Variants in SLC44A1 observed in about 807,000 individuals in gnomAD.
The protein encoded by SLC44A1 is choline transporter-like protein 1.
Under a neutral mutation model 79.3 loss-of-function variants are expected in SLC44A1, and 26 were observed. The observed-to-expected ratio is 0.33, with a 90% CI of 0.24 to 0.46. SLC44A1 has a LOEUF of 0.46. Among genes scored for constraint, SLC44A1 ranks in the 20% least tolerant of loss-of-function variants. SLC44A1 has a pLI of 1.00. For missense variants in SLC44A1, 688 were observed against 798.1 expected, an observed-to-expected ratio of 0.86 and a Z score of 1.66; for synonymous variants, 263 against 286.2, an observed-to-expected ratio of 0.92 and a Z score of 0.82.
intron 3 of SLC44A1, among the ~76,000 whole-genome samples, chr9:105,312,458 A>T (rs1831205986): frequency 6.6e-6 from 1 of 152,356 alleles, no homozygotes; most frequent in Middle Eastern, 3.4e-3. Flanking sequence ...TATGTCTCAG[A>T]TCCTAGTTCA....
At chr9:105,266,717 A>G (rs1159871810) in intron 1 of SLC44A1, among the ~76,000 whole-genome samples, 1 of 152,194 alleles carries the variant, frequency 6.6e-6, no homozygotes, top group African/African-American at 2.4e-5. Flanking sequence ...GCTTTATAGT[A>G]TATATTGAAA....
At chr9:105,415,055 C>T (rs1829150089) in intron 15 of SLC44A1, among the ~76,000 whole-genome samples, 1 of 152,064 alleles carries the variant, frequency 6.6e-6, no homozygotes, top group Non-Finnish European at 1.5e-5. Context: ...TGGTTGATCC[C>T]AAGCCTGAGA....
chr9:105,286,723 G>A (rs1391245572), intron 1 of SLC44A1, among the ~76,000 whole-genome samples: 1 of 152,126 alleles, frequency 6.6e-6, no homozygotes, highest in Non-Finnish European at 1.5e-5. Context: ...AGCACTTTGA[G>A]AGGCCAGGGC....
At chr9:105,285,397 C>T (rs1830449954) in intron 1 of SLC44A1, among the ~76,000 whole-genome samples, 1 of 152,152 alleles carries the variant, frequency 6.6e-6, no homozygotes, top group East Asian at 1.9e-4. Flanking sequence ...ATGTTAATAA[C>T]ATGCTATTCT....
At chr9:105,269,380 C>A (rs1430028824) in intron 1 of SLC44A1, among the ~76,000 whole-genome samples, 1 of 152,196 alleles carries the variant, frequency 6.6e-6, no homozygotes, top group Non-Finnish European at 1.5e-5. Context: ...TCCTATACAG[C>A]TGACCTGTAC....
At chr9:105,297,356 A>G (rs2131284086) in intron 1 of SLC44A1, among the ~76,000 whole-genome samples, 1 of 152,280 alleles carries the variant, frequency 6.6e-6, no homozygotes, top group African/African-American at 2.4e-5. Context: ...AATTCTTATG[A>G]AAATTATGTG....
chr9:105,354,638 G>C lies in SLC44A1; in HGVS notation c.501-1574G>C, dbSNP rs549589266. On this transcript the variant is annotated intron_variant, in intron 5 of 15. Coordinates refer to ENST00000374720, the MANE Select transcript of SLC44A1 (RefSeq NM_080546.5). The stretch of plus-strand genomic sequence containing the variant: ...AAAAAACAAATATTCATGTCATATT[G>C]TTATGTCATCATTTTTTGATATATT... 1.1e-4 allele frequency among the ~76,000 whole-genome samples: 16 copies of C among 152,236 alleles called. No homozygotes were observed. The South Asian group carries it at 3.3e-3, about 32-fold the overall frequency.
chr9:105,289,384 C>T (rs900198634), intron 1 of SLC44A1, among the ~76,000 whole-genome samples: 1 of 152,162 alleles, frequency 6.6e-6, no homozygotes, highest in Admixed American at 6.5e-5. Flanking sequence ...TATTTGAGTG[C>T]TTTCTATAAA....
At chr9:105,299,681 A>T in intron 2 of SLC44A1, 1 of 587,598 alleles carries the variant, frequency 1.7e-6, no homozygotes, top group Non-Finnish European at 2.1e-6. Context: ...TTGGTGTTCC[A>T]CAGTTCTTCC....
chr9:105,314,752 T>C (rs1009459252), intron 3 of SLC44A1, among the ~76,000 whole-genome samples: 2 of 152,240 alleles, frequency 1.3e-5, no homozygotes, highest in Non-Finnish European at 2.9e-5. Context: ...GGGTGCATTT[T>C]ATTTGAGCTC....
intron 1 of SLC44A1, among the ~76,000 whole-genome samples, chr9:105,283,791 T>G (rs904110747): frequency 2.6e-5 from 4 of 152,262 alleles, no homozygotes; most frequent in Non-Finnish European, 1.5e-5. Context: ...GTATATATTC[T>G]TCCCAAGTGT....
chr9:105,420,861 C>CAAAAA (rs34053627), intron 15 of SLC44A1, among the ~76,000 whole-genome samples: 5 of 12,482 alleles, frequency 4.0e-4, no homozygotes, highest in Middle Eastern at 0.036. Flanking sequence ...AACTCCATCT[C>CAAAAA]AAAAAAAAAA....
chr9:105,359,251 A>C (rs1827712819), intron 7 of SLC44A1, among the ~76,000 whole-genome samples: 1 of 152,240 alleles, frequency 6.6e-6, no homozygotes, highest in Admixed American at 6.5e-5. Context: ...AAACTAAATC[A>C]GTTATTTGGA....
At chr9:105,351,772 A>C (rs1273046812) in intron 5 of SLC44A1, among the ~76,000 whole-genome samples, 2 of 152,222 alleles carry the variant, frequency 1.3e-5, no homozygotes, top group Non-Finnish European at 2.9e-5. Flanking sequence ...GCTATCCCAC[A>C]GTATCTCTCA....
chr9:105,334,984 T>C (rs2131358032), intron 3 of SLC44A1, among the ~76,000 whole-genome samples: 1 of 152,322 alleles, frequency 6.6e-6, no homozygotes, highest in African/African-American at 2.4e-5. Context: ...AAAATCACTT[T>C]ATTTTAACAC....
At chr9:105,376,086 T>C (rs1828273043) in intron 13 of SLC44A1, among the ~76,000 whole-genome samples, 1 of 152,148 alleles carries the variant, frequency 6.6e-6, no homozygotes, top group African/African-American at 2.4e-5. Flanking sequence ...CTCTTACTAT[T>C]GAACCCTTAG....
chr9:105,387,680 G>T (rs1482146330), intron 15 of SLC44A1, among the ~76,000 whole-genome samples: 3 of 152,106 alleles, frequency 2.0e-5, no homozygotes, highest in African/African-American at 7.2e-5. Flanking sequence ...ACATCATTCA[G>T]TAATAAGCAT....
chr9:105,390,429 A>AC lies in SLC44A1; in HGVS notation c.*1374dup, dbSNP rs1278564138. On this transcript the variant is annotated 3_prime_UTR_variant, in exon 16 of 16. Transcript: ENST00000374720. Reference sequence around the variant, plus strand: ...TTATTGCACTAAATACAGGCTCTGTACAAAAAAAAAAAAAAAAAAAAAGCC... The same window carrying AC: ...TTATTGCACTAAATACAGGCTCTGTACCAAAAAAAAAAAAAAAAAAAAAGCC... 4.0e-5 allele frequency: 25 copies of AC among 624,130 alleles called. No homozygotes were observed. Among genetic ancestry groups the AC allele is most frequent in the Non-Finnish European group, 4.4e-5 (23 of 522,376 alleles). 38.7% of individuals were successfully genotyped at this position (624,130 alleles called of 1,614,324 possible).
At chr9:105,364,504 C>G (rs1389013925) in intron 9 of SLC44A1, 51 bp from the exon 10 acceptor site, 1 of 1,532,306 alleles carries the variant, frequency 6.5e-7, no homozygotes, top group East Asian at 2.3e-5. Flanking sequence ...TGCCGTATTT[C>G]TGGATTTGTA....
Sources: allele counts gnomAD v4.1 joint callset (sites outside exome capture counted in the v4.1 genomes callset), GRCh38; gene constraint gnomAD v4.1.1; transcripts MANE v1.5; gene names NCBI Gene and HGNC (gene_info 2026-07-23, HGNC 2026-07-21).